The following HERC2 variants were observed in gnomAD, a reference collection of about 807,000 sequenced individuals.
HERC2 encodes E3 ubiquitin-protein ligase HERC2.
HERC2 carries 102 observed loss-of-function variants against 537.7 expected under a neutral mutation model. The observed-to-expected ratio is 0.19, with a 90% CI of 0.16 to 0.22. HERC2 has a LOEUF of 0.22. HERC2 is among the 10% of genes least tolerant of loss of function. The probability of loss-of-function intolerance (pLI) is 1.00; values close to 1 mark genes in which losing one functional copy is unlikely to be tolerated. For synonymous variants in HERC2, 2,224 were observed against 2,466.2 expected (o/e 0.90, Z 2.91); for missense variants, 4,236 against 6,198.2 (o/e 0.68, Z 10.63).
chr15:28,191,264 C>T lies in HERC2; in HGVS notation c.8452-20G>A, dbSNP rs759278882. 1 of 1,541,454 alleles carries T rather than the reference C, an allele frequency of 6.5e-7. No individual in the cohort carries two copies. The highest frequency in any genetic ancestry group is 8.9e-7 in the Non-Finnish European group (1 of 1,120,920). On this transcript the variant is annotated intron_variant, in intron 53 of 92. Transcript: ENST00000261609. ...CCAGTGCTTTAGAAAAACAAAAAAA[C>T]CACATTCTCAGTTAGCAAAATTCAG... is the stretch of plus-strand genomic sequence containing the variant.
chr15:28,120,901 G>T (rs1172946289), intron 86 of HERC2, among the ~76,000 whole-genome samples: 1 of 152,166 alleles, frequency 6.6e-6, no homozygotes, highest in Non-Finnish European at 1.5e-5. Context: ...TGCAAGAGAG[G>T]AGCAGGCTGC....
At chr15:28,295,264 C>T (rs548502499) in intron 3 of HERC2, among the ~76,000 whole-genome samples, 30 of 132,492 alleles carry the variant, frequency 2.3e-4, no homozygotes, top group Admixed American at 6.9e-4. Flanking sequence ...CAGGTGAGAA[C>T]ACAGGTGCTG....
chr15:28,230,322 T>C (rs1223998679), intron 31 of HERC2, 45 bp downstream of exon 31: 3 of 1,578,174 alleles, frequency 1.9e-6, no homozygotes, highest in African/African-American at 1.4e-5. Context: ...TGCTACATGC[T>C]ATGATTCTAT....
chr15:28,249,969 C>T (rs1308590113), intron 20 of HERC2, among the ~76,000 whole-genome samples: 1 of 151,974 alleles, frequency 6.6e-6, no homozygotes, highest in African/African-American at 2.4e-5. Flanking sequence ...GAAACTAACT[C>T]TTATGTCAAT....
At position 28,237,078 on chromosome 15, in the gene HERC2, C is replaced by T. The variant is rs2346085; in HGVS notation, c.3888G>A (p.Gly1296=). The change falls in exon 26 of 93, where the codon GGG becomes GGA. Residue 1296 remains glycine (G), a synonymous_variant. Transcript: ENST00000261609. ...TGTCTATCAGAGGTGAAGAGAGACT[C>T]CCCAGATCTGGTATGGTGACGATTT... is the stretch of plus-strand genomic sequence containing the variant. ...DQEIVTIPDL[G]SLSSPLIDTE... 6.4e-7 allele frequency: 1 copy of T among 1,571,248 alleles called. No homozygotes were observed. Among genetic ancestry groups the T allele is most frequent in the South Asian group, 1.1e-5 (1 of 90,126 alleles).
intron 2 of HERC2, among the ~76,000 whole-genome samples, chr15:28,304,165 C>CAAA (rs779514776): frequency 0.012 from 740 of 63,858 alleles, 35 homozygotes; most frequent in African/African-American, 0.034. Context: ...GACTCCATCT[C>CAAA]AAAAAAAAAA....
chr15:28,121,044 G>A (rs6497272), intron 86 of HERC2, among the ~76,000 whole-genome samples: 129,298 of 152,258 alleles, frequency 0.85, 58,352 homozygotes, highest in Non-Finnish European at 0.99. Context: ...TAACAGCAGC[G>A]GTTATCATCA....
Position 28,190,836 on chromosome 15 carries a change from A to C in HERC2, c.8649+129T>G. ...TAAGTTGTATCTTTTAAAGTGTCAA[A>C]ATTTAAAACAGAAAGAACCAATTAT... On this transcript the variant is annotated intron_variant, in intron 55 of 92. Coordinates refer to ENST00000261609, the MANE Select transcript of HERC2 (RefSeq NM_004667.6). 4 of 676,406 alleles carry C rather than the reference A, an allele frequency of 5.9e-6. No homozygotes were observed. The South Asian group carries it at 6.9e-5, about 12-fold the overall frequency. The allele number at this position is 676,406 out of a possible 1,614,324, so 41.9% of individuals were successfully genotyped here.
chr15:28,297,465 G>C (rs1257839330), intron 3 of HERC2, among the ~76,000 whole-genome samples: 1 of 151,560 alleles, frequency 6.6e-6, no homozygotes, highest in Non-Finnish European at 1.5e-5. Context: ...ACATGGAAAA[G>C]AGATTTAATG....
intron 3 of HERC2, among the ~76,000 whole-genome samples, chr15:28,296,317 T>C (rs1055164247): frequency 2.0e-5 from 3 of 151,874 alleles, no homozygotes; most frequent in African/African-American, 7.3e-5. Context: ...TTATTAAAAA[T>C]ACAACAATTA....
chr15:28,183,617 G>A (rs920808560), intron 56 of HERC2, among the ~76,000 whole-genome samples: 3 of 152,228 alleles, frequency 2.0e-5, no homozygotes, highest in African/African-American at 7.2e-5. Flanking sequence ...CTGATGCCAG[G>A]TGCTAAGGAA....
chr15:28,247,165 A>G (rs1372900267), intron 21 of HERC2, among the ~76,000 whole-genome samples: 4 of 148,204 alleles, frequency 2.7e-5, no homozygotes, highest in African/African-American at 9.9e-5. Flanking sequence ...TAATTTAAAG[A>G]TTTTTTTTTT....
intron 83 of HERC2, among the ~76,000 whole-genome samples, chr15:28,127,671 G>A (rs1416044104): frequency 6.6e-6 from 1 of 152,152 alleles, no homozygotes; most frequent in South Asian, 2.1e-4. Flanking sequence ...GAAATGGCCA[G>A]GTCGAGGCGT....
At chr15:28,118,571 C>G (rs1403399677) in intron 86 of HERC2, 1 of 152,222 alleles carries the variant, frequency 6.6e-6, no homozygotes, top group Non-Finnish European at 1.5e-5. Flanking sequence ...AAATTCCCAA[C>G]AAACAAAACC....
chr15:28,143,630 T>C (rs1891445902), intron 74 of HERC2, among the ~76,000 whole-genome samples: 1 of 151,940 alleles, frequency 6.6e-6, no homozygotes, highest in Admixed American at 6.6e-5. Context: ...GTATTTTTAG[T>C]AGAGTCAGGA....
chr15:28,289,879 C>G (rs2076265781), intron 4 of HERC2, among the ~76,000 whole-genome samples: 1 of 152,062 alleles, frequency 6.6e-6, no homozygotes, highest in African/African-American at 2.4e-5. Flanking sequence ...GACGACACAT[C>G]TGAGAGGAAG....
At position 28,113,647 on chromosome 15, in the gene HERC2, C is replaced by G; in HGVS notation, c.13945G>C (p.Val4649Leu). The change falls in exon 91 of 93, where the codon GTT (valine) becomes CTT (leucine). Residue 4649 changes from valine (V) to leucine (L), a missense_variant. By Grantham distance (32) the Val-to-Leu change is conservative (BLOSUM62 1). This residue lies in a region of HERC2 where 313 missense variants were observed against 462.6 expected (regional missense o/e 0.68). Transcript: ENST00000261609. This position sits in a 1 kb window ranked among gnomAD's most constrained non-coding sequence, Gnocchi z 7.0. ...ACAACGCGGGCCATTCCTTCCCGAA[C>G]AGCAGCCACCTGCTCATCAAATTCA... Reference protein sequence around the residue: ...LHEFDEQVAAVREGMARVVPV... With the variant: ...LHEFDEQVAALREGMARVVPV... 4 of 1,614,152 alleles carry G rather than the reference C, an allele frequency of 2.5e-6. No individual in the cohort carries two copies. The highest frequency in any genetic ancestry group is 3.4e-6 in the Non-Finnish European group (4 of 1,180,002).
chr15:28,135,398 G>A (rs766613982), intron 79 of HERC2, 80 bp downstream of exon 79: 65 of 1,089,962 alleles, frequency 6.0e-5, no homozygotes, highest in Non-Finnish European at 7.8e-5. Context: ...GAAAAACAAA[G>A]CGCCAATAGA....
At chr15:28,278,598 T>C (rs1198600095) in intron 5 of HERC2, among the ~76,000 whole-genome samples, 6 of 152,134 alleles carry the variant, frequency 3.9e-5, no homozygotes. Flanking sequence ...TGATTTCAAC[T>C]ATATTTAAAC....
Sources: allele counts gnomAD v4.1 joint callset (sites outside exome capture counted in the v4.1 genomes callset), GRCh38; gene constraint gnomAD v4.1.1; regional missense constraint gnomAD v4.1.1; non-coding constraint Gnocchi (gnomAD v3.1); transcripts MANE v1.5; gene names NCBI Gene and HGNC (gene_info 2026-07-23, HGNC 2026-07-21).